The following SCEL variants were observed in gnomAD, a reference collection of about 807,000 sequenced individuals.
The protein encoded by SCEL is sciellin.
SCEL carries 113 observed loss-of-function variants against 117.6 expected under a neutral mutation model. The observed-to-expected ratio is 0.96, with a 90% confidence interval of 0.83 to 1.12. SCEL has a LOEUF of 1.12. Among genes scored for constraint, SCEL ranks in the 50% most tolerant of loss-of-function variants. The pLI is 0.00. For missense variants in SCEL, 785 were observed against 810.8 expected (o/e 0.97, Z 0.39); for synonymous variants, 270 against 256.2 (o/e 1.05, Z -0.51).
intron 9 of SCEL, among the ~76,000 whole-genome samples, chr13:77,582,373 C>T (rs4884069): frequency 0.11 from 16,183 of 151,420 alleles, 1,433 homozygotes; most frequent in East Asian, 0.44. Flanking sequence ...ACTACAGGTG[C>T]GTGCCACCAC....
intron 7 of SCEL, 94 bp downstream of exon 7, chr13:77,568,427 C>G: frequency 2.8e-6 from 2 of 713,784 alleles, no homozygotes; most frequent in South Asian, 3.4e-5. Flanking sequence ...GGAATACAGC[C>G]ATGCCCCTAT....
chr13:77,635,063 T>A (rs979897171), intron 29 of SCEL, among the ~76,000 whole-genome samples: 2 of 152,226 alleles, frequency 1.3e-5, no homozygotes, highest in African/African-American at 2.4e-5. Flanking sequence ...ATGACCCATA[T>A]GTTAAGCTAA....
intron 5 of SCEL, among the ~76,000 whole-genome samples, chr13:77,566,695 A>G (rs1003637652): frequency 1.1e-4 from 16 of 152,208 alleles, no homozygotes; most frequent in African/African-American, 2.9e-4. Flanking sequence ...TCAGAGTCCA[A>G]TGTGATTTGC....
rs760147352 is a variant in SCEL at position 77,612,884 on chromosome 13, T to G, written c.1338-7T>G. 1.3e-6 allele frequency: 2 copies of G among 1,529,982 alleles called. No homozygotes were observed. The highest frequency in any genetic ancestry group is 1.8e-6 in the Non-Finnish European group (2 of 1,129,632). 94.8% of individuals were successfully genotyped at this position (1,529,982 alleles called of 1,614,324 possible). On this transcript the variant is annotated splice_polypyrimidine_tract_variant and splice_region_variant and intron_variant, in intron 22 of 32. Coordinates refer to ENST00000349847, the MANE Select transcript of SCEL (RefSeq NM_144777.3). ...GACTTAGCTATTGAAACTTAACATTTTTTTAGGAACCAAGACTTGGAAAAT... is the reference window on the plus strand; with the variant it reads ...GACTTAGCTATTGAAACTTAACATTGTTTTAGGAACCAAGACTTGGAAAAT...
chr13:77,560,526 A>G (rs1480502014), intron 4 of SCEL, among the ~76,000 whole-genome samples: 1 of 152,188 alleles, frequency 6.6e-6, no homozygotes, highest in Non-Finnish European at 1.5e-5. Context: ...AATAACAACT[A>G]CAGAGTTCAC....
At position 77,613,121 on chromosome 13, in the gene SCEL, ATAT is replaced by A. The variant is rs370966740; in HGVS notation, c.1388+185_1388+187del. ...TATTATTGCTTTCATTAATTTCATT[ATAT>A]TATTGTAGAAAATTATAATATTGAA... On this transcript the variant is annotated intron_variant, in intron 23 of 32. Transcript: ENST00000349847. 2.9e-4 allele frequency among the ~76,000 whole-genome samples: 44 copies of A among 152,246 alleles called. 2 individuals carry two copies. Among genetic ancestry groups the A allele is most frequent in the Admixed American group, 2.1e-3 (32 of 15,282 alleles).
chr13:77,545,344 C>A (rs867251238), intron 1 of SCEL, among the ~76,000 whole-genome samples: 21 of 152,126 alleles, frequency 1.4e-4, no homozygotes, highest in African/African-American at 5.1e-4. Context: ...CTCAGGATAA[C>A]CTCAGTACCT....
chr13:77,567,421 T>TC (rs770246321), intron 5 of SCEL, among the ~76,000 whole-genome samples: 2 of 152,146 alleles, frequency 1.3e-5, no homozygotes, highest in Admixed American at 6.5e-5. Context: ...ACTACTGCAC[T>TC]CCCGCCTGGG....
At chr13:77,554,357 A>G (rs1251798019) in intron 1 of SCEL, among the ~76,000 whole-genome samples, 2 of 152,188 alleles carry the variant, frequency 1.3e-5, no homozygotes, top group Non-Finnish European at 2.9e-5. Context: ...ATGAGCCTGT[A>G]GCTGCCAAGC....
chr13:77,541,223 A>G (rs2083683830), intron 1 of SCEL, among the ~76,000 whole-genome samples: 1 of 152,156 alleles, frequency 6.6e-6, no homozygotes, highest in Non-Finnish European at 1.5e-5. Context: ...TTGTCAATGG[A>G]TAATTTATAA....
chr13:77,549,536 A>G (rs900584073), intron 1 of SCEL, among the ~76,000 whole-genome samples: 30 of 151,980 alleles, frequency 2.0e-4, no homozygotes, highest in African/African-American at 7.3e-4. Context: ...TATCCTTGCA[A>G]CTCTCATTCT....
intron 27 of SCEL, among the ~76,000 whole-genome samples, chr13:77,626,097 TCA>T (rs1479994758): frequency 3.9e-5 from 6 of 152,198 alleles, no homozygotes; most frequent in African/African-American, 1.2e-4. Flanking sequence ...TTTAATGGAC[TCA>T]CAGTTTTACG....
chr13:77,603,143 T>C lies in SCEL; in HGVS notation c.1097+8T>C, dbSNP rs979803319. 6.7e-7 allele frequency: 1 copy of C among 1,499,106 alleles called. No individual in the cohort carries two copies. The highest frequency in any genetic ancestry group is 1.2e-5 in the South Asian group (1 of 82,488). The allele number at this position is 1,499,106 out of a possible 1,614,324, so 92.9% of individuals were successfully genotyped here. On this transcript the variant is annotated splice_region_variant and intron_variant, in intron 18 of 32. Transcript: ENST00000349847. The stretch of plus-strand genomic sequence containing the variant: ...ACATGAAAATACCACTGGGTAAAAA[T>C]AATTAATGTCTTTAATTATGGTTTC...
intron 29 of SCEL, among the ~76,000 whole-genome samples, chr13:77,636,181 G>A (rs576289739): frequency 6.6e-6 from 1 of 152,252 alleles, no homozygotes; most frequent in East Asian, 1.9e-4. Context: ...AGTCATATTT[G>A]AGGTTGAATC....
intron 32 of SCEL, among the ~76,000 whole-genome samples, chr13:77,643,453 T>C (rs1170575586): frequency 6.6e-6 from 1 of 152,186 alleles, no homozygotes; most frequent in African/African-American, 2.4e-5. Flanking sequence ...GATTAAGTCC[T>C]GTGAAACTTG....
At position 77,563,832 on chromosome 13, in the gene SCEL, A is replaced by G; in HGVS notation, c.223A>G (p.Lys75Glu). ...RHNSHDALDR[K>E]VNERDVPKAT... is the part of the protein sequence containing the mutation. ...TTTTGGTAATTATGTTTGCTACAGGAAAGTAAATGAGAGAGATGTGCCAAA... is the reference window on the plus strand; with the variant it reads ...TTTTGGTAATTATGTTTGCTACAGGGAAGTAAATGAGAGAGATGTGCCAAA... The change falls in exon 5 of 33, where the codon AAA (lysine) becomes GAA (glutamate). Residue 75 changes from lysine (K) to glutamate (E), a missense_variant and splice_region_variant. Transcript: ENST00000349847. The G allele has an allele frequency of 6.3e-7, 1 of 1,585,254 alleles. No homozygotes were observed. The highest frequency in any genetic ancestry group is 8.5e-7 in the Non-Finnish European group (1 of 1,170,396).
At chr13:77,584,331 G>A (rs998267233) in intron 9 of SCEL, among the ~76,000 whole-genome samples, 1 of 152,156 alleles carries the variant, frequency 6.6e-6, no homozygotes, top group African/African-American at 2.4e-5. Context: ...TCATTGCAGT[G>A]ATGCAAATGA....
chr13:77,625,055 A>G (rs1180433228), intron 27 of SCEL, among the ~76,000 whole-genome samples: 4 of 152,188 alleles, frequency 2.6e-5, no homozygotes, highest in African/African-American at 4.8e-5. Context: ...TTCCTCTGGC[A>G]TTAGCACTGG....
At chr13:77,555,625 A>G (rs1315192818) in intron 1 of SCEL, among the ~76,000 whole-genome samples, 2 of 152,230 alleles carry the variant, frequency 1.3e-5, no homozygotes, top group Non-Finnish European at 2.9e-5. Context: ...TGCTTATGAT[A>G]CAACACTGGA....
Sources: gnomAD v4.1 joint callset for allele counts (sites outside exome capture counted in the v4.1 genomes callset) on GRCh38, gnomAD v4.1.1 for gene constraint, MANE v1.5 for transcripts, NCBI Gene and HGNC (gene_info 2026-07-23, HGNC 2026-07-21) for gene names.